ADGRA2: variants seen among roughly 807,000 people sequenced by gnomAD.
The protein encoded by ADGRA2 is G-protein coupled receptor 124.
ADGRA2 carries 61 observed loss-of-function variants against 98.7 expected under a neutral mutation model. That is an observed-to-expected ratio of 0.62 (90% CI 0.50 to 0.76). ADGRA2 has a LOEUF of 0.76. ADGRA2 is among the 30% of genes least tolerant of loss of function. ADGRA2 has a pLI of 0.00. For synonymous variants in ADGRA2, 858 were observed against 831.5 expected, an observed-to-expected ratio of 1.03 and a Z score of -0.55; for missense variants, 1,712 against 1,860.0, an observed-to-expected ratio of 0.92 and a Z score of 1.46.
At chr8:37,829,752 TC>T in intron 5 of ADGRA2, 98 bp from the exon 6 acceptor site, 1 of 1,286,030 alleles carries the variant, frequency 7.8e-7, no homozygotes, top group Non-Finnish European at 1.1e-6. Context: ...ATTTTGCCCC[TC>T]CTACCCTCTC....
At chr8:37,809,176 G>T (rs1362587217) in intron 1 of ADGRA2, among the ~76,000 whole-genome samples, 1 of 151,830 alleles carries the variant, frequency 6.6e-6, no homozygotes, top group Admixed American at 6.6e-5. Flanking sequence ...CATGCCTGTA[G>T]TCCTAGCTCC....
At position 37,843,170 on chromosome 8, in the gene ADGRA2, C is replaced by T. The variant is rs1805865345; in HGVS notation, c.*815C>T. ...GAACTGGGGCAGAATCTAGTCATGC[C>T]CTAAAGCTAGTCCTGTAAACAATGG... On this transcript the variant is annotated 3_prime_UTR_variant, in exon 19 of 19. Coordinates refer to ENST00000412232, the MANE Select transcript of ADGRA2 (RefSeq NM_032777.10). 6.6e-6 allele frequency: 1 copy of T among 152,196 alleles called. No individual in the cohort carries two copies. The highest frequency in any genetic ancestry group is 1.5e-5 in the Non-Finnish European group (1 of 68,096). The allele number at this position is 152,196 out of a possible 1,614,324, so 9.4% of individuals were successfully genotyped here.
rs374752785 is a variant in ADGRA2, at chr8:37,829,891, C to G, written c.595C>G (p.Arg199Gly). ...GTTCCTGACCTGTGACTGCCACCTG[C>G]GCTGGCTGCTGCCCTGGGCCCAGAA... is the stretch of plus-strand genomic sequence containing the variant. The part of the protein sequence containing the change: ...TEFLTCDCHL[R>G]WLLPWAQNRS... The change falls in exon 6 of 19, where the codon CGC becomes GGC. Residue 199 changes from arginine (R) to glycine (G), a missense_variant. Physicochemically the swap from Arg to Gly is moderately radical, Grantham distance 125 (BLOSUM62 -2). Transcript: ENST00000412232. 3.7e-6 allele frequency: 6 copies of G among 1,612,890 alleles called. No homozygotes were observed. Among genetic ancestry groups the G allele is most frequent in the Non-Finnish European group, 5.1e-6 (6 of 1,179,918 alleles).
intron 1 of ADGRA2, among the ~76,000 whole-genome samples, chr8:37,801,757 CA>C (rs1804513034): frequency 6.6e-6 from 1 of 152,238 alleles, no homozygotes; most frequent in Non-Finnish European, 1.5e-5. Flanking sequence ...TGCTGACAGT[CA>C]CACAGTCGGC....
In ADGRA2 at chr8:37,827,345, A is replaced by G. The variant is rs377135256; in HGVS notation, c.339-1543A>G. 5.9e-5 allele frequency among the ~76,000 whole-genome samples: 9 copies of G among 152,358 alleles called. No homozygotes were observed. In the East Asian group the frequency reaches 7.7e-4, roughly 13 times the overall value. On this transcript the variant is annotated intron_variant, in intron 2 of 18. Transcript: ENST00000412232. ...GTCTTCTGTGGTCCTGCCTGCCCCAAGAGCCCAGGGGGCTGCCCTGGCAGG... is the reference window on the plus strand; with the variant it reads ...GTCTTCTGTGGTCCTGCCTGCCCCAGGAGCCCAGGGGGCTGCCCTGGCAGG...
chr8:37,815,471 C>A (rs1023832537), intron 2 of ADGRA2, among the ~76,000 whole-genome samples: 1 of 152,230 alleles, frequency 6.6e-6, no homozygotes, highest in African/African-American at 2.4e-5. Context: ...GCCGCCTGGG[C>A]AGTGGCAGCC....
At chr8:37,807,821 A>C (rs765973275) in intron 1 of ADGRA2, among the ~76,000 whole-genome samples, 3 of 152,176 alleles carry the variant, frequency 2.0e-5, no homozygotes, top group Non-Finnish European at 2.9e-5. Flanking sequence ...GAGTATGGAT[A>C]TCCCAAGTCC....
intron 2 of ADGRA2, among the ~76,000 whole-genome samples, chr8:37,823,014 C>T (rs1805169447): frequency 6.6e-6 from 1 of 151,706 alleles, no homozygotes. Flanking sequence ...GCCTCAGCCT[C>T]CTGAGTACCT....
chr8:37,833,785 A>C lies in ADGRA2; in HGVS notation c.1394A>C (p.Tyr465Ser), dbSNP rs201094555. Reference protein sequence around the residue: ...ASFSDMMDVVYVAQMIQKFLG... With the variant: ...ASFSDMMDVVSVAQMIQKFLG... ...TTTTCAGACATGATGGATGTAGTCT[A>C]TGTGGCTCAGATGATCCAGAAATTT... Residue 465 changes from tyrosine (Y) to serine (S), a missense_variant, in exon 10 of 19, where the codon TAT becomes TCT. By Grantham distance (144) the Tyr-to-Ser change is moderately radical. Transcript: ENST00000412232. The C allele has an allele frequency of 1.4e-5, 22 of 1,614,076 alleles. No individual in the cohort carries two copies. Among genetic ancestry groups the C allele is most frequent in the Non-Finnish European group, 1.9e-5 (22 of 1,180,006 alleles).
At chr8:37,831,617 GC>G in intron 8 of ADGRA2, 30 bp downstream of exon 8, 1 of 1,603,692 alleles carries the variant, frequency 6.2e-7, no homozygotes, top group Non-Finnish European at 8.5e-7. Context: ...GTAGAGGGCT[GC>G]CCAGCCCCCA....
At chr8:37,803,741 T>G (rs1320621053) in intron 1 of ADGRA2, among the ~76,000 whole-genome samples, 2 of 151,996 alleles carry the variant, frequency 1.3e-5, no homozygotes, top group Non-Finnish European at 2.9e-5. Flanking sequence ...CAGGGATGTG[T>G]GCAGGATGGA....
intron 2 of ADGRA2, among the ~76,000 whole-genome samples, chr8:37,818,210 C>T (rs1317931363): frequency 6.6e-6 from 1 of 152,150 alleles, no homozygotes; most frequent in Non-Finnish European, 1.5e-5. Context: ...GTGGTCTCTT[C>T]AGCCCCTGCC....
intron 2 of ADGRA2, among the ~76,000 whole-genome samples, chr8:37,820,758 G>A (rs1374346442): frequency 1.3e-5 from 2 of 152,230 alleles, no homozygotes; most frequent in African/African-American, 2.4e-5. Context: ...TGGGCTGTGT[G>A]TACGTGAGGG....
At chr8:37,829,596 T>A (rs368072232) in intron 5 of ADGRA2, 37 bp downstream of exon 5, 4 of 1,434,994 alleles carry the variant, frequency 2.8e-6, no homozygotes, top group Non-Finnish European at 3.9e-6. Flanking sequence ...CCCAGACCCC[T>A]GTCCCTTTCT....
At chr8:37,825,652 C>T (rs1390051889) in intron 2 of ADGRA2, among the ~76,000 whole-genome samples, 2 of 151,992 alleles carry the variant, frequency 1.3e-5, no homozygotes, top group Non-Finnish European at 2.9e-5. Context: ...CGTAGATCTT[C>T]AAAAGGATGT....
chr8:37,811,017 G>A (rs1486017590), intron 1 of ADGRA2, among the ~76,000 whole-genome samples: 1 of 151,044 alleles, frequency 6.6e-6, no homozygotes, highest in Non-Finnish European at 1.5e-5. Context: ...AAAAGGCTGA[G>A]GCAGGAGAAT....
rs112018499 is a variant in ADGRA2 at position 37,818,367 on chromosome 8, T to A, written c.338+3400T>A. Among the ~76,000 whole-genome samples the A allele has an allele frequency of 5.9e-5, 9 of 152,332 alleles. No homozygotes were observed. The East Asian group carries it at 1.5e-3, about 26-fold the overall frequency. On this transcript the variant is annotated intron_variant, in intron 2 of 18. Coordinates refer to ENST00000412232, the MANE Select transcript of ADGRA2 (RefSeq NM_032777.10). ...TTGCCCCTGTCTCCTCATCCTTCAG[T>A]CTCATGAGAGCACATTTTTCTGATG...
In ADGRA2 at chr8:37,844,501, T is replaced by G. The variant is rs967071785; in HGVS notation, c.*2146T>G. Reference sequence around the variant, plus strand: ...CCAGTGGATATCCATCAGGGAGGGTTAGGGACACTCGTGGCAGCCTGTCTA... The same window carrying G: ...CCAGTGGATATCCATCAGGGAGGGTGAGGGACACTCGTGGCAGCCTGTCTA... On this transcript the variant is annotated 3_prime_UTR_variant, in exon 19 of 19. Transcript: ENST00000412232. The G allele has an allele frequency of 1.2e-6, 2 of 1,612,954 alleles. No individual in the cohort carries two copies. The highest frequency in any genetic ancestry group is 1.7e-6 in the Non-Finnish European group (2 of 1,179,940).
intron 1 of ADGRA2, among the ~76,000 whole-genome samples, chr8:37,805,600 T>C (rs376046858): frequency 5.9e-5 from 9 of 152,048 alleles, no homozygotes; most frequent in African/African-American, 2.2e-4. Context: ...CCAGTCACGG[T>C]GGCTCACGCC....
Sources: gnomAD v4.1 joint callset for allele counts (sites outside exome capture counted in the v4.1 genomes callset) on GRCh38, gnomAD v4.1.1 for gene constraint, MANE v1.5 for transcripts, NCBI Gene and HGNC (gene_info 2026-07-23, HGNC 2026-07-21) for gene names.